Variants in RPS6KC1 observed in about 807,000 individuals in gnomAD.
RPS6KC1 encodes ribosomal protein S6 kinase C1.
RPS6KC1 carries 54 observed loss-of-function variants against 103.8 expected under a neutral mutation model. That is an observed-to-expected ratio of 0.52 (90% CI 0.42 to 0.65). RPS6KC1 has a LOEUF of 0.65. Among genes scored for constraint, RPS6KC1 ranks in the 30% least tolerant of loss-of-function variants. The pLI, the probability that RPS6KC1 is intolerant of heterozygous loss-of-function variation, is 0.00. For synonymous variants in RPS6KC1, 439 were observed against 438.7 expected, an observed-to-expected ratio of 1.00 and a Z score of -0.01; for missense variants, 1,151 against 1,253.8, an observed-to-expected ratio of 0.92 and a Z score of 1.24.
At chr1:213,750,048 T>G in the RPS6KC1 span, among the ~76,000 whole-genome samples, 1 of 152,356 alleles carries the variant, frequency 6.6e-6, no homozygotes, top group Non-Finnish European at 1.5e-5. Context: ...AATAGCTTTT[T>G]TAGTCATAGT....
chr1:213,727,309 A>G, the RPS6KC1 span, among the ~76,000 whole-genome samples: 9 of 152,206 alleles, frequency 5.9e-5, 1 homozygote, highest in Middle Eastern at 6.3e-3. Context: ...TCCTCTGTGC[A>G]AATACTAAGA....
intron 1 of RPS6KC1, among the ~76,000 whole-genome samples, chr1:213,062,604 TG>T (rs2077944174): frequency 1.3e-5 from 2 of 151,924 alleles, no homozygotes; most frequent in Non-Finnish European, 2.9e-5. Context: ...GTCACCAGGC[TG>T]GAGTACAGTG....
chr1:213,329,599 A>G, the RPS6KC1 span, among the ~76,000 whole-genome samples: 2 of 150,824 alleles, frequency 1.3e-5, no homozygotes, highest in Non-Finnish European at 2.9e-5. Context: ...TGGTCCAAAT[A>G]AGCCTCATAT....
chr1:213,057,909 G>T (rs1395951792), intron 1 of RPS6KC1, among the ~76,000 whole-genome samples: 4 of 151,234 alleles, frequency 2.6e-5, no homozygotes, highest in Non-Finnish European at 4.4e-5. Context: ...GGGACTACAG[G>T]AATGTGCCAC....
chr1:213,753,015 G>C, the RPS6KC1 span, among the ~76,000 whole-genome samples: 1 of 152,142 alleles, frequency 6.6e-6, no homozygotes. Context: ...CCCTGTCTTA[G>C]AAGAGATGTG....
chr1:213,640,817 T>A, the RPS6KC1 span, among the ~76,000 whole-genome samples: 1 of 152,036 alleles, frequency 6.6e-6, no homozygotes, highest in Non-Finnish European at 1.5e-5. Context: ...ATGGTTTCTC[T>A]TGGTGAATTG....
chr1:213,366,791 A>G, the RPS6KC1 span, among the ~76,000 whole-genome samples: 2 of 152,226 alleles, frequency 1.3e-5, no homozygotes, highest in Non-Finnish European at 2.9e-5. Context: ...GGCCAAGTTC[A>G]TGATATTTTT....
the RPS6KC1 span, among the ~76,000 whole-genome samples, chr1:213,287,042 GAT>G: frequency 1.3e-5 from 2 of 152,196 alleles, no homozygotes; most frequent in African/African-American, 2.4e-5. Flanking sequence ...ATAATTGAAA[GAT>G]ATATTTTTAA....
At chr1:213,485,184 C>G in the RPS6KC1 span, among the ~76,000 whole-genome samples, 15 of 152,208 alleles carry the variant, frequency 9.9e-5, no homozygotes, top group South Asian at 3.1e-3. Flanking sequence ...TATTTTCAAA[C>G]CAGATACTAT....
chr1:213,296,880 T>C, the RPS6KC1 span, among the ~76,000 whole-genome samples: 1 of 152,280 alleles, frequency 6.6e-6, no homozygotes, highest in African/African-American at 2.4e-5. Context: ...TTAAAGGTGC[T>C]TACTACAGTG....
At chr1:213,126,328 A>G (rs1253798434) in intron 5 of RPS6KC1, among the ~76,000 whole-genome samples, 4 of 152,268 alleles carry the variant, frequency 2.6e-5, no homozygotes, top group Admixed American at 1.3e-4. Flanking sequence ...GAGGACTGAA[A>G]AGATTTTCAC....
the RPS6KC1 span, among the ~76,000 whole-genome samples, chr1:213,584,516 C>T: frequency 6.6e-6 from 1 of 152,204 alleles, no homozygotes; most frequent in African/African-American, 2.4e-5. Context: ...TCTATGGATG[C>T]TCTGGTGCAG....
the RPS6KC1 span, among the ~76,000 whole-genome samples, chr1:213,834,885 T>A: frequency 6.6e-6 from 1 of 152,182 alleles, no homozygotes; most frequent in African/African-American, 2.4e-5. Context: ...AGTGCTTACG[T>A]AGGGCTGGGG....
chr1:213,195,206 T>C (rs2092899269), intron 8 of RPS6KC1, among the ~76,000 whole-genome samples: 2 of 152,208 alleles, frequency 1.3e-5, no homozygotes, highest in African/African-American at 4.8e-5. Flanking sequence ...TTCTGGGTCT[T>C]GATTGTGCTT....
chr1:213,178,790 C>T (rs567726523), intron 8 of RPS6KC1, among the ~76,000 whole-genome samples: 1 of 152,118 alleles, frequency 6.6e-6, no homozygotes, highest in African/African-American at 2.4e-5. Context: ...TCTTGGCTCA[C>T]TGCAGCCTCC....
At chr1:213,505,047 G>A in the RPS6KC1 span, among the ~76,000 whole-genome samples, 2 of 152,098 alleles carry the variant, frequency 1.3e-5, no homozygotes, top group Non-Finnish European at 2.9e-5. Flanking sequence ...GTCTATCAAT[G>A]AAAGCCCAGT....
chr1:213,769,303 T>TA, the RPS6KC1 span, among the ~76,000 whole-genome samples: 3 of 152,184 alleles, frequency 2.0e-5, no homozygotes, highest in African/African-American at 7.2e-5. Context: ...GAGCTAATTT[T>TA]ATCATACTTT....
intron 5 of RPS6KC1, among the ~76,000 whole-genome samples, chr1:213,129,021 C>CT (rs1293783427): frequency 6.6e-6 from 1 of 152,096 alleles, no homozygotes; most frequent in African/African-American, 2.4e-5. Flanking sequence ...TGGCGCTGGG[C>CT]TTGGTGGCTC....
At chr1:213,135,560 A>G (rs970529709) in intron 6 of RPS6KC1, among the ~76,000 whole-genome samples, 1 of 152,208 alleles carries the variant, frequency 6.6e-6, no homozygotes, top group African/African-American at 2.4e-5. Context: ...TAAAATGTGT[A>G]CTTTTCACTA....
Sources: gnomAD v4.1 joint callset for allele counts (sites outside exome capture counted in the v4.1 genomes callset) on GRCh38, gnomAD v4.1.1 for gene constraint, MANE v1.5 for transcripts, NCBI Gene and HGNC (gene_info 2026-07-23, HGNC 2026-07-21) for gene names.